XRRA1: variants seen among roughly 807,000 people sequenced by gnomAD.
XRRA1 encodes X-ray radiation resistance associated 1, also known as X-ray radiation resistance-associated protein 1.
A neutral mutation model predicts 80.2 loss-of-function variants in XRRA1; 69 were observed. The observed-to-expected ratio is 0.86, with a 90% CI of 0.71 to 1.05. XRRA1 has a LOEUF of 1.05. Ranked by LOEUF, XRRA1 falls within the 50% of genes least tolerant of loss-of-function variation. The pLI is 0.00. For synonymous variants in XRRA1, 348 were observed against 389.9 expected (o/e 0.89, Z 1.27); for missense variants, 967 against 976.4 (o/e 0.99, Z 0.13).
chr11:74,927,256 G>A, intron 7 of XRRA1, 135 bp downstream of exon 7: 1 of 132,668 alleles, frequency 7.5e-6, no homozygotes, highest in Middle Eastern at 1.7e-3. Flanking sequence ...CCTCCCTGGA[G>A]GCCAGCAATG....
intron 7 of XRRA1, 30 bp downstream of exon 7, chr11:74,927,361 G>A: frequency 1.5e-6 from 2 of 1,349,010 alleles, no homozygotes; most frequent in Admixed American, 3.4e-5. Flanking sequence ...GAACTTGGTG[G>A]GCACCAAAAA....
In XRRA1 at chr11:74,841,380, A is replaced by G. The variant is rs1225425517; in HGVS notation, c.*1820T>C. 6.6e-6 allele frequency: 1 copy of G among 152,230 alleles called. No individual in the cohort carries two copies. Among genetic ancestry groups the G allele is most frequent in the African/African-American group, 2.4e-5 (1 of 41,458 alleles). 9.4% of individuals were successfully genotyped at this position (152,230 alleles called of 1,614,324 possible). On this transcript the variant is annotated 3_prime_UTR_variant, in exon 19 of 19. Transcript: ENST00000684022. The stretch of plus-strand genomic sequence containing the variant: ...TGATCTAGGAAATGCATCTTTATAC[A>G]TGATTGTTAGCTGCTGTAGCTTTCT...
At chr11:74,901,440 T>C (rs931236608) in intron 10 of XRRA1, among the ~76,000 whole-genome samples, 6 of 152,076 alleles carry the variant, frequency 3.9e-5, no homozygotes, top group African/African-American at 9.7e-5. Flanking sequence ...AAAAAAACTA[T>C]CTTAAAATTT....
chr11:74,894,278 A>G (rs2137496036), intron 10 of XRRA1, among the ~76,000 whole-genome samples: 1 of 152,300 alleles, frequency 6.6e-6, no homozygotes, highest in East Asian at 1.9e-4. Flanking sequence ...AGGGTGGGTA[A>G]AGGGTGAGGA....
chr11:74,946,053 C>T (rs1415195989), intron 1 of XRRA1, among the ~76,000 whole-genome samples: 2 of 152,098 alleles, frequency 1.3e-5, no homozygotes, highest in Non-Finnish European at 2.9e-5. Context: ...ACCTCCACCT[C>T]CCAGACTCAA....
chr11:74,868,780 A>C (rs1201538215), intron 10 of XRRA1, among the ~76,000 whole-genome samples: 1 of 152,194 alleles, frequency 6.6e-6, no homozygotes, highest in East Asian at 1.9e-4. Context: ...ATAATGGTAA[A>C]GAGCTCAATT....
rs149780939 is a variant in XRRA1 at position 74,920,580 on chromosome 11, A to C, written c.656+634T>G. ...GAAAATGTACAGAATCTACATGAGA[A>C]TATAATATAACAGTCATGAGTATGG... is the stretch of plus-strand genomic sequence containing the variant. On this transcript the variant is annotated intron_variant, in intron 8 of 18. Coordinates refer to ENST00000684022, the MANE Select transcript of XRRA1 (RefSeq NM_001378157.1). Among the ~76,000 whole-genome samples the C allele has an allele frequency of 1.2e-4, 18 of 152,348 alleles. 1 individual carries two copies. In the East Asian group the frequency reaches 3.3e-3, roughly 28 times the overall value.
chr11:74,850,772 G>A (rs1383151395), intron 14 of XRRA1: 2 of 166,530 alleles, frequency 1.2e-5, no homozygotes, highest in Non-Finnish European at 1.3e-5. Flanking sequence ...CTGCCCTCAA[G>A]CGATCCTCTC....
intron 16 of XRRA1, among the ~76,000 whole-genome samples, chr11:74,844,629 T>C (rs539607823): frequency 6.6e-6 from 1 of 152,218 alleles, no homozygotes; most frequent in African/African-American, 2.4e-5. Context: ...TGAATGCCAG[T>C]TGCTTTGGAA....
chr11:74,860,072 G>A (rs1299109791), intron 11 of XRRA1, among the ~76,000 whole-genome samples: 1 of 152,178 alleles, frequency 6.6e-6, no homozygotes, highest in East Asian at 1.9e-4. Context: ...ATCTTAAGCT[G>A]AATTAATTAA....
At chr11:74,896,457 G>A (rs539911837) in intron 10 of XRRA1, among the ~76,000 whole-genome samples, 17 of 152,352 alleles carry the variant, frequency 1.1e-4, no homozygotes, top group Non-Finnish European at 1.6e-4. Flanking sequence ...GGAGGGAAGC[G>A]TGGGAAGGAC....
chr11:74,934,847 G>A (rs1055607917), intron 4 of XRRA1, among the ~76,000 whole-genome samples: 25 of 151,974 alleles, frequency 1.6e-4, no homozygotes, highest in Admixed American at 8.5e-4. Context: ...TTGTAATGTC[G>A]GATACACATA....
At position 74,860,181 on chromosome 11, in the gene XRRA1, G is replaced by C. The variant is rs544006244; in HGVS notation, c.1045-898C>G. ...TGAGCCAAGTATTTTGTACCCTTCT[G>C]GGTCAACTTGTAAAACCACACAAGT... is the stretch of plus-strand genomic sequence containing the variant. On this transcript the variant is annotated intron_variant, in intron 11 of 18. Transcript: ENST00000684022. 2.0e-5 allele frequency among the ~76,000 whole-genome samples: 3 copies of C among 152,252 alleles called. No homozygotes were observed. In the South Asian group the frequency reaches 6.2e-4, roughly 32 times the overall value.
chr11:74,931,558 C>G (rs1428541014), intron 5 of XRRA1, among the ~76,000 whole-genome samples: 2 of 152,104 alleles, frequency 1.3e-5, no homozygotes, highest in Admixed American at 1.3e-4. Flanking sequence ...CTCCTGACCT[C>G]AAGTGATCCT....
intron 10 of XRRA1, among the ~76,000 whole-genome samples, chr11:74,887,729 C>G (rs1197024566): frequency 6.6e-6 from 1 of 152,168 alleles, no homozygotes; most frequent in African/African-American, 2.4e-5. Context: ...CACCCTAATA[C>G]TGCGCTTTTC....
chr11:74,851,772 C>A (rs549340210), intron 13 of XRRA1, among the ~76,000 whole-genome samples: 1 of 152,350 alleles, frequency 6.6e-6, no homozygotes, highest in African/African-American at 2.4e-5. Flanking sequence ...GCCTCAGTTT[C>A]TACCACTGTC....
At chr11:74,871,028 T>C (rs1247760282) in intron 10 of XRRA1, among the ~76,000 whole-genome samples, 3 of 152,170 alleles carry the variant, frequency 2.0e-5, no homozygotes, top group African/African-American at 7.2e-5. Context: ...ATAATAGCAG[T>C]ATAGAGCTCA....
At chr11:74,911,128 G>A (rs1270051219) in intron 8 of XRRA1, 2 of 152,270 alleles carry the variant, frequency 1.3e-5, no homozygotes, top group Non-Finnish European at 2.9e-5. Flanking sequence ...GTGGATGACT[G>A]GGGAGCACCA....
chr11:74,946,406 G>C (rs1947533426), intron 1 of XRRA1, among the ~76,000 whole-genome samples: 3 of 152,172 alleles, frequency 2.0e-5, no homozygotes, highest in Non-Finnish European at 4.4e-5. Flanking sequence ...CCTCACCATA[G>C]TGAGTGAGCT....
Sources: gnomAD v4.1 joint callset for allele counts (sites outside exome capture counted in the v4.1 genomes callset) on GRCh38, gnomAD v4.1.1 for gene constraint, MANE v1.5 for transcripts, NCBI Gene and HGNC (gene_info 2026-07-23, HGNC 2026-07-21) for gene names.